MUC4: variants seen among roughly 807,000 people sequenced by gnomAD.
MUC4 encodes the protein mucin-4.
A neutral mutation model predicts 257.9 loss-of-function variants in MUC4; 202 were observed. That is an observed-to-expected ratio of 0.78 (90% confidence interval 0.70 to 0.88). MUC4 has a LOEUF of 0.88. MUC4 is among the 40% of genes least tolerant of loss of function. MUC4 has a pLI of 0.00. For missense variants in MUC4, 5,976 were observed against 6,513.7 expected, an observed-to-expected ratio of 0.92 and a Z score of 2.84; for synonymous variants, 2,351 against 2,757.1, an observed-to-expected ratio of 0.85 and a Z score of 4.62.
intron 16 of MUC4, among the ~76,000 whole-genome samples, chr3:195,760,013 G>T (rs1410205354): frequency 6.7e-6 from 1 of 148,516 alleles, no homozygotes; most frequent in African/African-American, 2.5e-5. Context: ...CTCTTCACGG[G>T]TCTGTTTCTC....
At chr3:195,753,414 G>A in intron 19 of MUC4, 184 bp from the exon 20 acceptor site, 2 of 594,442 alleles carry the variant, frequency 3.4e-6, no homozygotes, top group Non-Finnish European at 5.8e-6. Flanking sequence ...CCTTTCCCCG[G>A]CCAGACAGGT....
At chr3:195,770,086 TG>T (rs1008548947) in intron 6 of MUC4, 129 bp downstream of exon 6, 18 of 843,082 alleles carry the variant, frequency 2.1e-5, no homozygotes, top group Admixed American at 1.6e-4. Context: ...GGGGTGGCGG[TG>T]GGGGGGCTTG....
In MUC4 at chr3:195,746,823, C is replaced by A; in HGVS notation, c.*353G>T. ...TTAAATAGAGTTAATTTGAAGTAAA[C>A]CAGAGAGTTTTGTGTGCAGAAGCAT... On this transcript the variant is annotated 3_prime_UTR_variant, in exon 25 of 25. Transcript: ENST00000463781. 2.8e-6 allele frequency: 1 copy of A among 351,368 alleles called. No homozygotes were observed. The highest frequency in any genetic ancestry group is 5.2e-6 in the Non-Finnish European group (1 of 193,774). The allele number at this position is 351,368 out of a possible 1,614,324, so 21.8% of individuals were successfully genotyped here. A position where few individuals can be genotyped will look rare whatever the true frequency, so the allele number is the denominator to read the frequency against.
chr3:195,760,617 AAGGCATCCAGCGCTAGGATGGACGGAG>A (rs1367279248), intron 16 of MUC4, among the ~76,000 whole-genome samples: 25 of 118,438 alleles, frequency 2.1e-4, no homozygotes, highest in African/African-American at 6.9e-4. Flanking sequence ...GGGGGCTGGG[AAGGCATCCAGCGCTAGGATGGACGGAG>A]GGGGCTGGGA....
chr3:195,769,429 G>C lies in MUC4; in HGVS notation c.13399-277C>G, dbSNP rs573612311. The C allele has an allele frequency of 5.5e-5, 23 of 420,960 alleles. No homozygotes were observed. In the South Asian group the frequency reaches 6.9e-4, roughly 13 times the overall value. The allele number at this position is 420,960 out of a possible 1,614,324, so 26.1% of individuals were successfully genotyped here. On this transcript the variant is annotated intron_variant, in intron 6 of 24. Coordinates refer to ENST00000463781, the MANE Select transcript of MUC4 (RefSeq NM_018406.7). ...AGGGTTCTGGGTTACAATTCAGTTA[G>C]ATGAGTGTTTGTTAGAGAAAGCTAC...
chr3:195,756,611 TCTTTC>T (rs1412632183), intron 18 of MUC4, among the ~76,000 whole-genome samples: 3 of 149,856 alleles, frequency 2.0e-5, no homozygotes, highest in Admixed American at 1.3e-4. Flanking sequence ...TCCTTTCCTT[TCTTTC>T]CTTTCCTTTC....
intron 3 of MUC4, among the ~76,000 whole-genome samples, chr3:195,777,780 C>T (rs1426977642): frequency 2.1e-5 from 1 of 47,592 alleles, no homozygotes; most frequent in Non-Finnish European, 4.2e-5. Context: ...CCTTCCACAC[C>T]CATACCTTCC....
intron 10 of MUC4, 87 bp downstream of exon 10, chr3:195,764,910 T>G: frequency 6.5e-7 from 1 of 1,547,518 alleles, no homozygotes; most frequent in Non-Finnish European, 8.8e-7. Flanking sequence ...AGGGGAAGGG[T>G]CTGGGAAGGA....
At position 195,811,788 on chromosome 3, in the gene MUC4, G is replaced by C. The variant is rs761475746; in HGVS notation, c.30C>G (p.Pro10=). Reference sequence around the variant, plus strand: ...GACACAGGCAGCTCAGGGACACCCAGGGGACCCTCCTCCAGCGTGCCCCCT... The same window carrying C: ...GACACAGGCAGCTCAGGGACACCCACGGGACCCTCCTCCAGCGTGCCCCCT... The part of the protein sequence containing the change: MKGARWRRV[P]WVSLSCLCLC... The change falls in exon 1 of 25, where the codon CCC becomes CCG. Residue 10 remains proline, a synonymous_variant. Transcript: ENST00000463781. 1.9e-6 allele frequency: 3 copies of C among 1,613,864 alleles called. No individual in the cohort carries two copies. Among genetic ancestry groups the C allele is most frequent in the Non-Finnish European group, 2.5e-6 (3 of 1,179,872 alleles).
Position 195,790,917 on chromosome 3 carries a change from A to G in MUC4, c.663T>C (p.Thr221=). The G allele has an allele frequency of 2.5e-6, 4 of 1,613,886 alleles. No individual in the cohort carries two copies. Among genetic ancestry groups the G allele is most frequent in the Non-Finnish European group, 3.4e-6 (4 of 1,179,864 alleles). The part of the protein sequence containing the change: ...TSTLTHRTTS[T]PSFSPSVHNV... ...TGTGTACACTTGGAGAGAAAGAAGG[A>G]GTTGAAGTGGTTCTGTGTGTTAGGG... Residue 221 remains threonine, a synonymous_variant, in exon 2 of 25, where the codon ACT becomes ACC. Transcript: ENST00000463781.
chr3:195,767,938 T>TACCACCACCACC (rs763983469), intron 7 of MUC4, among the ~76,000 whole-genome samples: 1 of 66,738 alleles, frequency 1.5e-5, no homozygotes, highest in African/African-American at 4.6e-5. Context: ...CCACCGCCAC[T>TACCACCACCACC]ACCACCACCA....
Position 195,780,963 on chromosome 3 carries a change from G to A in MUC4, c.10617C>T (p.Val3539=), listed in dbSNP as rs1292002911. 2 of 1,502,972 alleles carry A rather than the reference G, an allele frequency of 1.3e-6. No individual in the cohort carries two copies. The highest frequency in any genetic ancestry group is 2.4e-5 in the South Asian group (2 of 82,134). 93.1% of individuals were successfully genotyped at this position (1,502,972 alleles called of 1,614,324 possible). A position where few individuals can be genotyped will look rare whatever the true frequency, so the allele number is the denominator to read the frequency against. ...CTGTGGATACTGAGGAAAGGCTGGTGACAGGAAGAGGCGTGGCGTGACCGG... is the reference window on the plus strand; with the variant it reads ...CTGTGGATACTGAGGAAAGGCTGGTAACAGGAAGAGGCGTGGCGTGACCGG... ...VSTGHATPLP[V]TSLSSVSTGD... The change falls in exon 2 of 25, where the codon GTC becomes GTT. Residue 3539 remains valine, a synonymous_variant. Transcript: ENST00000463781.
At chr3:195,771,912 G>C in intron 4 of MUC4, 96 bp from the exon 5 acceptor site, 1 of 1,397,230 alleles carries the variant, frequency 7.2e-7, no homozygotes. Context: ...ACCCCCAAGG[G>C]TAGAGCTTTA....
At chr3:195,778,646 C>A in intron 2 of MUC4, 144 bp downstream of exon 2, 6 of 1,250,526 alleles carry the variant, frequency 4.8e-6, no homozygotes, top group South Asian at 3.0e-5. Context: ...CTGTCACCCA[C>A]CACACCCATC....
At position 195,791,279 on chromosome 3, in the gene MUC4, GA is replaced by G; in HGVS notation, c.300del (p.Leu101PhefsTer10). The G allele has an allele frequency of 6.2e-7, 1 of 1,612,516 alleles. No individual in the cohort carries two copies. The highest frequency in any genetic ancestry group is 8.5e-7 in the Non-Finnish European group (1 of 1,179,358). The stretch of plus-strand genomic sequence containing the variant: ...TTGTGTACACTTGGGGAAGAAAAAA[GA>G]GTTGATGTCATCATCTGCGTGAGGG... ...TDTLTQMMTS[T>X]LFSSPSVHNV... On this transcript the variant is annotated frameshift_variant, in exon 2 of 25. Coordinates refer to ENST00000463781, the MANE Select transcript of MUC4 (RefSeq NM_018406.7). LOFTEE classifies it high-confidence loss of function.
chr3:195,770,810 T>C (rs372410934), intron 5 of MUC4: 7 of 453,962 alleles, frequency 1.5e-5, no homozygotes, highest in Non-Finnish European at 3.1e-5. Context: ...TTTCCTCTGA[T>C]TGGAGTTATT....
At chr3:195,747,523 C>G in intron 24 of MUC4, 143 bp from the exon 25 acceptor site, 1 of 1,036,888 alleles carries the variant, frequency 9.6e-7, no homozygotes, top group South Asian at 1.6e-5. Flanking sequence ...GCCCTGAGGC[C>G]GTGCTGAAGT....
In MUC4 at chr3:195,767,808, C is replaced by T. The variant is rs1452060696; in HGVS notation, c.13530-1057G>A. Among the ~76,000 whole-genome samples, 5 of 124,176 alleles carry T rather than the reference C, an allele frequency of 4.0e-5. No homozygotes were observed. The South Asian group carries it at 7.5e-4, about 19-fold the overall frequency. 81.5% of individuals were successfully genotyped at this position (124,176 alleles called of 152,430 possible). On this transcript the variant is annotated intron_variant, in intron 7 of 24. Coordinates refer to ENST00000463781, the MANE Select transcript of MUC4 (RefSeq NM_018406.7). ...ACCATCATTGCCACCACCATCATCA[C>T]CACCATCACCACCACCACCACCATC...
intron 5 of MUC4, chr3:195,770,643 GC>G (rs1722593471): frequency 1.9e-6 from 1 of 535,594 alleles, no homozygotes. Context: ...GCTCAAACTG[GC>G]CCAGAGAGCA....
Sources: allele counts gnomAD v4.1 joint callset (sites outside exome capture counted in the v4.1 genomes callset), GRCh38; gene constraint gnomAD v4.1.1; transcripts MANE v1.5; gene names NCBI Gene and HGNC (gene_info 2026-07-23, HGNC 2026-07-21).